Variants in EIPR1 observed in about 807,000 individuals in gnomAD.
EIPR1 encodes EARP and GARP complex-interacting protein 1.
In EIPR1, 25 loss-of-function variants were observed where a neutral mutation model predicts 48.1. The observed-to-expected ratio is 0.52, with a 90% confidence interval of 0.38 to 0.73. EIPR1 has a LOEUF of 0.73. Ranked by LOEUF, EIPR1 falls within the 30% of genes least tolerant of loss-of-function variation. The pLI is 0.00. For synonymous variants in EIPR1, 204 were observed against 201.9 expected, an observed-to-expected ratio of 1.01 and a Z score of -0.09; for missense variants, 415 against 506.2, an observed-to-expected ratio of 0.82 and a Z score of 1.73.
intron 2 of EIPR1, among the ~76,000 whole-genome samples, chr2:3,339,358 A>G (rs1670162472): frequency 6.6e-6 from 1 of 152,206 alleles, no homozygotes; most frequent in Admixed American, 6.5e-5. Flanking sequence ...ATACGTTTGC[A>G]ATCTAACATT....
intron 4 of EIPR1, among the ~76,000 whole-genome samples, chr2:3,254,535 A>T (rs1164421154): frequency 6.6e-6 from 1 of 152,226 alleles, no homozygotes; most frequent in African/African-American, 2.4e-5. Context: ...GGTGGCTGGA[A>T]CCCAAACTTG....
chr2:3,206,415 G>A (rs1558222362), intron 5 of EIPR1, among the ~76,000 whole-genome samples: 1 of 152,198 alleles, frequency 6.6e-6, no homozygotes, highest in Non-Finnish European at 1.5e-5. Flanking sequence ...CTGGGGAGAC[G>A]AAGTCTGAGA....
chr2:3,246,274 T>C (rs1666791432), intron 4 of EIPR1, among the ~76,000 whole-genome samples: 1 of 152,164 alleles, frequency 6.6e-6, no homozygotes, highest in South Asian at 2.1e-4. Context: ...CACTCCTCTT[T>C]GTAACATTTA....
chr2:3,350,945 C>CA (rs11344032), intron 2 of EIPR1, among the ~76,000 whole-genome samples: 85,014 of 122,278 alleles, frequency 0.7, 29,534 homozygotes, highest in African/African-American at 0.77. Context: ...TACTTCGTTC[C>CA]AAAAAAAAAA....
chr2:3,322,508 G>A (rs1207299580), intron 3 of EIPR1, among the ~76,000 whole-genome samples: 1 of 152,214 alleles, frequency 6.6e-6, no homozygotes, highest in African/African-American at 2.4e-5. Context: ...ACAAAGTTCA[G>A]GTGTCAGAGA....
intron 4 of EIPR1, among the ~76,000 whole-genome samples, chr2:3,222,780 G>A (rs926905966): frequency 1.3e-5 from 2 of 152,180 alleles, no homozygotes; most frequent in Non-Finnish European, 2.9e-5. Context: ...TGATGACATC[G>A]TGGATTCGCT....
At chr2:3,366,525 G>T (rs917591131) in intron 1 of EIPR1, among the ~76,000 whole-genome samples, 1 of 152,066 alleles carries the variant, frequency 6.6e-6, no homozygotes, top group African/African-American at 2.4e-5. Flanking sequence ...GGACAAAAAA[G>T]AAATTTGACC....
At chr2:3,216,976 C>T (rs1572309163) in intron 4 of EIPR1, among the ~76,000 whole-genome samples, 1 of 152,322 alleles carries the variant, frequency 6.6e-6, no homozygotes, top group East Asian at 1.9e-4. Context: ...TTTCAAAGAG[C>T]AGCATCTTCA....
intron 5 of EIPR1, among the ~76,000 whole-genome samples, chr2:3,204,318 T>G (rs949892522): frequency 7.2e-5 from 11 of 152,156 alleles, no homozygotes; most frequent in African/African-American, 2.2e-4. Context: ...CCCTGAAAAC[T>G]TCACACTCAC....
At chr2:3,376,151 GAAC>G (rs1320353207) in intron 1 of EIPR1, among the ~76,000 whole-genome samples, 3 of 152,018 alleles carry the variant, frequency 2.0e-5, no homozygotes, top group East Asian at 3.9e-4. Context: ...ATAACAATTA[GAAC>G]AACAATTATT....
chr2:3,249,765 G>A (rs1184884572), intron 4 of EIPR1, among the ~76,000 whole-genome samples: 1 of 152,190 alleles, frequency 6.6e-6, no homozygotes, highest in African/African-American at 2.4e-5. Flanking sequence ...CCAAGGCCAG[G>A]CCCGGGGCCC....
intron 3 of EIPR1, among the ~76,000 whole-genome samples, chr2:3,279,504 CACTT>C (rs1667956270): frequency 6.6e-6 from 1 of 152,192 alleles, no homozygotes; most frequent in Non-Finnish European, 1.5e-5. Context: ...GGCAAGGTGT[CACTT>C]ACAATCCCTA....
At position 3,269,328 on chromosome 2, in the gene EIPR1, ATCATCATCACACTCAG is replaced by A. The variant is rs1553291776; in HGVS notation, c.260-11889_260-11874del. Among the ~76,000 whole-genome samples, 613 of 88,538 alleles carry A rather than the reference ATCATCATCACACTCAG, an allele frequency of 6.9e-3. 46 individuals carry two copies. The highest frequency in any genetic ancestry group is 9.6e-3 in the African/African-American group (196 of 20,520). 58.1% of individuals were successfully genotyped at this position (88,538 alleles called of 152,430 possible). Reference sequence around the variant, plus strand: ...TCATCGCACTCAGTCATCGCACTCAATCATCATCACACTCAGTCATCGCACTCAGTCATCGCACTCA... The same window carrying A: ...TCATCGCACTCAGTCATCGCACTCAATCATCGCACTCAGTCATCGCACTCA... On this transcript the variant is annotated intron_variant, in intron 3 of 8. Coordinates refer to ENST00000382125, the MANE Select transcript of EIPR1 (RefSeq NM_003310.5).
chr2:3,374,545 A>C (rs1169904960), intron 1 of EIPR1, among the ~76,000 whole-genome samples: 68 of 151,660 alleles, frequency 4.5e-4, no homozygotes, highest in Middle Eastern at 3.4e-3. Context: ...AAAAAACAAA[A>C]AACCCCATCA....
intron 4 of EIPR1, among the ~76,000 whole-genome samples, chr2:3,228,415 A>T (rs976011967): frequency 6.6e-6 from 1 of 152,240 alleles, no homozygotes; most frequent in Non-Finnish European, 1.5e-5. Flanking sequence ...TACCACCATT[A>T]TATCTAGGAA....
chr2:3,290,277 G>A (rs1034349212), intron 3 of EIPR1, among the ~76,000 whole-genome samples: 1 of 152,204 alleles, frequency 6.6e-6, no homozygotes, highest in Non-Finnish European at 1.5e-5. Flanking sequence ...AAGGATGGTG[G>A]ATGCGTAATT....
chr2:3,346,141 C>T (rs1420769530), intron 2 of EIPR1, among the ~76,000 whole-genome samples: 1 of 152,258 alleles, frequency 6.6e-6, no homozygotes, highest in Non-Finnish European at 1.5e-5. Context: ...GCGGGAGGGC[C>T]ACCACTCGGG....
intron 3 of EIPR1, among the ~76,000 whole-genome samples, chr2:3,298,936 C>A (rs1306535044): frequency 1.3e-5 from 2 of 152,148 alleles, no homozygotes; most frequent in African/African-American, 4.8e-5. Context: ...TAACTTCTCC[C>A]TTACCTACCC....
intron 3 of EIPR1, among the ~76,000 whole-genome samples, chr2:3,276,347 GAATA>G (rs1228412194): frequency 6.6e-6 from 1 of 152,242 alleles, no homozygotes; most frequent in African/African-American, 2.4e-5. Context: ...AGCCCATGCT[GAATA>G]AATACTTTTA....
Sources: gnomAD v4.1 joint callset for allele counts (sites outside exome capture counted in the v4.1 genomes callset) on GRCh38, gnomAD v4.1.1 for gene constraint, MANE v1.5 for transcripts, NCBI Gene and HGNC (gene_info 2026-07-23, HGNC 2026-07-21) for gene names.